DOCK9: variants seen among roughly 807,000 people sequenced by gnomAD.
DOCK9 encodes the protein dedicator of cytokinesis 9, also known as dedicator of cytokinesis protein 9.
DOCK9 carries 89 observed loss-of-function variants against 263.3 expected under a neutral mutation model. The ratio of observed to expected loss-of-function variants is 0.34; its 90% CI spans 0.28 to 0.40. The LOEUF (loss-of-function observed/expected upper bound fraction) is 0.40, where lower values mean the gene tolerates loss of function less well. Among genes scored for constraint, DOCK9 ranks in the 10% least tolerant of loss-of-function variants. The pLI, the probability that DOCK9 is intolerant of heterozygous loss-of-function variation, is 1.00. For missense variants in DOCK9, 2,140 were observed against 2,603.4 expected (o/e 0.82, Z 3.87); for synonymous variants, 976 against 973.1 (o/e 1.00, Z -0.06).
At chr13:98,994,106 T>A (rs949495536) in intron 1 of DOCK9, among the ~76,000 whole-genome samples, 25 of 152,130 alleles carry the variant, frequency 1.6e-4, no homozygotes, top group African/African-American at 5.6e-4. Context: ...AATAAAAAAA[T>A]AATCAATGGA....
intron 1 of DOCK9, among the ~76,000 whole-genome samples, chr13:98,986,705 G>A (rs8000319): frequency 0.31 from 46,759 of 152,046 alleles, 7,258 homozygotes; most frequent in Middle Eastern, 0.44. Flanking sequence ...GATTTCCTAT[G>A]TGAACTTAAG....
At chr13:98,854,437 T>C (rs553364194) in intron 34 of DOCK9, 1 of 152,126 alleles carries the variant, frequency 6.6e-6, no homozygotes, top group Admixed American at 6.5e-5. Context: ...TATACATATA[T>C]ATATCAGGCT....
At chr13:98,824,165 A>G (rs761430800) in intron 45 of DOCK9, among the ~76,000 whole-genome samples, 6 of 152,252 alleles carry the variant, frequency 3.9e-5, no homozygotes, top group Non-Finnish European at 8.8e-5. Context: ...ACTTCATTAC[A>G]ATCTAGCCCC....
intron 33 of DOCK9, chr13:98,857,950 A>G (rs1415304161): frequency 6.6e-6 from 1 of 152,216 alleles, no homozygotes; most frequent in East Asian, 1.9e-4. Context: ...TTCATATTTA[A>G]TGTAGAACAG....
intron 44 of DOCK9, chr13:98,826,114 C>T (rs924634879): frequency 4.4e-6 from 2 of 454,240 alleles, no homozygotes; most frequent in African/African-American, 4.1e-5. Flanking sequence ...TTTGGTTTCA[C>T]ACTATTTCTC....
intron 19 of DOCK9, 79 bp from the exon 20 acceptor site, chr13:98,885,910 A>G (rs759048886): frequency 7.3e-7 from 1 of 1,372,394 alleles, no homozygotes; most frequent in South Asian, 1.5e-5. Flanking sequence ...AGTATGTGTT[A>G]CCCAACGCAT....
intron 45 of DOCK9, among the ~76,000 whole-genome samples, chr13:98,823,922 G>T (rs1566609399): frequency 6.6e-6 from 1 of 152,186 alleles, no homozygotes; most frequent in Non-Finnish European, 1.5e-5. Flanking sequence ...GCACACAAGC[G>T]GAGGCAGGGA....
chr13:98,929,533 A>T (rs146590333), intron 3 of DOCK9, among the ~76,000 whole-genome samples: 1 of 152,226 alleles, frequency 6.6e-6, no homozygotes, highest in Admixed American at 6.5e-5. Context: ...CAACAGAGCA[A>T]GACTCTGTCT....
rs551665284 is a variant in DOCK9, at chr13:98,954,860, A to C, written c.243+575T>G. On this transcript the variant is annotated intron_variant, in intron 2 of 52. Coordinates refer to ENST00000682017, the MANE Select transcript of DOCK9 (RefSeq NM_001366683.2). The stretch of plus-strand genomic sequence containing the variant: ...AGACAGAGTATAGCACTTTTATTCA[A>C]GATACACACACACACACACACACAC... Among the ~76,000 whole-genome samples, 239 of 132,794 alleles carry C rather than the reference A, an allele frequency of 1.8e-3. 8 individuals are homozygous for C. In the South Asian group the frequency reaches 0.066, roughly 37 times the overall value. 87.1% of individuals were successfully genotyped at this position (132,794 alleles called of 152,430 possible).
chr13:99,087,727 G>C (rs1014970309), upstream of DOCK9: 1 of 152,482 alleles, frequency 6.6e-6, no homozygotes. Context: ...ATGCTCAGTG[G>C]TTGGGGACTG....
intron 27 of DOCK9, among the ~76,000 whole-genome samples, chr13:98,876,016 G>A (rs147279815): frequency 2.0e-4 from 30 of 152,172 alleles, no homozygotes; most frequent in African/African-American, 7.0e-4. Flanking sequence ...GGACTCACTC[G>A]ACTACCACCA....
intron 1 of DOCK9, among the ~76,000 whole-genome samples, chr13:99,060,174 C>T (rs1373195756): frequency 1.4e-5 from 2 of 145,596 alleles, no homozygotes; most frequent in African/African-American, 2.6e-5. Context: ...CCAGGGTTCA[C>T]GCCATTCTCC....
intron 25 of DOCK9, 34 bp downstream of exon 25, chr13:98,881,524 G>C: frequency 6.5e-7 from 1 of 1,546,656 alleles, no homozygotes; most frequent in Non-Finnish European, 8.8e-7. Flanking sequence ...GAGAGCCACA[G>C]ATGTAAGTGA....
chr13:98,904,105 T>G (rs1189317507), intron 10 of DOCK9, among the ~76,000 whole-genome samples: 1 of 152,236 alleles, frequency 6.6e-6, no homozygotes, highest in Non-Finnish European at 1.5e-5. Context: ...CACTTAAAAA[T>G]GGTTAAAATG....
At chr13:99,027,982 C>T (rs905157368) in intron 1 of DOCK9, among the ~76,000 whole-genome samples, 1 of 152,226 alleles carries the variant, frequency 6.6e-6, no homozygotes, top group Admixed American at 6.5e-5. Context: ...TCACACAACA[C>T]AGCACATGCT....
intron 45 of DOCK9, among the ~76,000 whole-genome samples, chr13:98,811,135 G>A (rs1289320): frequency 0.35 from 53,713 of 152,056 alleles, 9,904 homozygotes; most frequent in Non-Finnish European, 0.39. Context: ...TTAAAGGTTT[G>A]GATTGATTGA....
At chr13:98,814,687 C>G (rs2091647386) in intron 45 of DOCK9, among the ~76,000 whole-genome samples, 1 of 152,084 alleles carries the variant, frequency 6.6e-6, no homozygotes, top group South Asian at 2.1e-4. Context: ...GCCTATAATC[C>G]CAGCACTTTG....
chr13:98,846,691 G>A (rs1473288684), intron 37 of DOCK9: 37 of 518,694 alleles, frequency 7.1e-5, no homozygotes, highest in Middle Eastern at 3.2e-4. Flanking sequence ...CCCCTGTCCC[G>A]GAGCCAACCG....
At chr13:99,017,861 T>A (rs1318214778) in intron 1 of DOCK9, among the ~76,000 whole-genome samples, 2 of 152,202 alleles carry the variant, frequency 1.3e-5, no homozygotes, top group African/African-American at 4.8e-5. Flanking sequence ...AGGACAAGCT[T>A]GGTCTAAATG....
Sources: allele counts gnomAD v4.1 joint callset (sites outside exome capture counted in the v4.1 genomes callset), GRCh38; gene constraint gnomAD v4.1.1; transcripts MANE v1.5; gene names NCBI Gene and HGNC (gene_info 2026-07-23, HGNC 2026-07-21).